Variants in CACNA2D3 observed in about 807,000 individuals in gnomAD.
CACNA2D3 encodes calcium voltage-gated channel auxiliary subunit alpha2delta 3.
In CACNA2D3, 60 loss-of-function variants were observed where a neutral mutation model predicts 160.6. That is an observed-to-expected ratio of 0.37 (90% CI 0.30 to 0.46). The LOEUF (loss-of-function observed/expected upper bound fraction) is 0.46, where lower values mean the gene tolerates loss of function less well. Ranked by LOEUF, CACNA2D3 falls within the 20% of genes least tolerant of loss-of-function variation. The pLI, the probability that CACNA2D3 is intolerant of heterozygous loss-of-function variation, is 1.00. For missense variants in CACNA2D3, 1,205 were observed against 1,365.0 expected, an observed-to-expected ratio of 0.88 and a Z score of 1.85; for synonymous variants, 558 against 492.9, an observed-to-expected ratio of 1.13 and a Z score of -1.75.
At chr3:54,312,232 C>T (rs1394137366) in intron 2 of CACNA2D3, among the ~76,000 whole-genome samples, 1 of 152,122 alleles carries the variant, frequency 6.6e-6, no homozygotes, top group Non-Finnish European at 1.5e-5. Context: ...CCCGCCAGGG[C>T]CTTCTGTTAA....
intron 2 of CACNA2D3, among the ~76,000 whole-genome samples, chr3:54,185,162 G>T (rs9834866): frequency 0.065 from 9,875 of 152,258 alleles, 379 homozygotes; most frequent in Non-Finnish European, 0.077. Context: ...AGTTGTGATT[G>T]TTGTACTTTT....
chr3:54,465,662 A>T (rs1424094776), intron 4 of CACNA2D3, among the ~76,000 whole-genome samples: 1 of 152,250 alleles, frequency 6.6e-6, no homozygotes, highest in Admixed American at 6.5e-5. Flanking sequence ...AGCCATGCGT[A>T]CAGGTTGGTG....
chr3:54,458,879 G>A (rs1189629105), intron 4 of CACNA2D3, among the ~76,000 whole-genome samples: 4 of 151,642 alleles, frequency 2.6e-5, no homozygotes, highest in African/African-American at 4.8e-5. Context: ...CCATTAACTC[G>A]TCATTTAGCA....
chr3:55,071,284 A>G (rs1212048978), intron 35 of CACNA2D3, among the ~76,000 whole-genome samples: 2 of 152,152 alleles, frequency 1.3e-5, no homozygotes, highest in Admixed American at 1.3e-4. Flanking sequence ...ACCCAATTTA[A>G]GAGTCTTTGC....
At chr3:54,881,680 C>T (rs1699799348) in intron 21 of CACNA2D3, among the ~76,000 whole-genome samples, 1 of 152,130 alleles carries the variant, frequency 6.6e-6, no homozygotes. Flanking sequence ...TTTGCATGTC[C>T]ACAGAGGAGG....
At chr3:54,598,714 C>T (rs1575371305) in intron 9 of CACNA2D3, among the ~76,000 whole-genome samples, 1 of 152,116 alleles carries the variant, frequency 6.6e-6, no homozygotes, top group Admixed American at 6.5e-5. Flanking sequence ...GTTAGAATGT[C>T]CTGTTCATGA....
At chr3:54,816,959 G>T in intron 14 of CACNA2D3, 89 bp downstream of exon 14, 1 of 1,460,782 alleles carries the variant, frequency 6.8e-7, no homozygotes, top group Non-Finnish European at 9.4e-7. Context: ...CACTGTTCAT[G>T]ACCAGTGAAA....
intron 17 of CACNA2D3, among the ~76,000 whole-genome samples, chr3:54,853,852 C>T (rs1051015153): frequency 2.6e-5 from 4 of 152,228 alleles, no homozygotes; most frequent in South Asian, 2.1e-4. Flanking sequence ...TGCATTCTGC[C>T]GGCCACAGCC....
chr3:54,264,226 G>A (rs1015138140), intron 2 of CACNA2D3, among the ~76,000 whole-genome samples: 1 of 152,184 alleles, frequency 6.6e-6, no homozygotes, highest in Admixed American at 6.5e-5. Flanking sequence ...TTGGGAAACT[G>A]CTCTTACTTC....
chr3:54,420,816 G>A (rs1029209855), intron 4 of CACNA2D3, among the ~76,000 whole-genome samples: 2 of 152,174 alleles, frequency 1.3e-5, no homozygotes, highest in African/African-American at 4.8e-5. Context: ...GTTGTTGTTT[G>A]TTTTTTCTGT....
intron 2 of CACNA2D3, among the ~76,000 whole-genome samples, chr3:54,190,882 T>G (rs905769945): frequency 1.3e-5 from 2 of 152,124 alleles, no homozygotes; most frequent in African/African-American, 4.8e-5. Context: ...ATAAAAGACT[T>G]AACCTCGTTG....
intron 5 of CACNA2D3, among the ~76,000 whole-genome samples, chr3:54,542,823 G>T (rs1256703834): frequency 6.6e-6 from 1 of 152,066 alleles, no homozygotes; most frequent in African/African-American, 2.4e-5. Context: ...ACAATACTTT[G>T]CATCCTTCAG....
At chr3:54,134,960 C>G (rs1023895017) in intron 2 of CACNA2D3, among the ~76,000 whole-genome samples, 1 of 152,182 alleles carries the variant, frequency 6.6e-6, no homozygotes, top group South Asian at 2.1e-4. Context: ...CCCTCGCAGC[C>G]GCCACCATCA....
At chr3:54,801,894 T>A (rs1367331710) in intron 13 of CACNA2D3, among the ~76,000 whole-genome samples, 1 of 152,170 alleles carries the variant, frequency 6.6e-6, no homozygotes, top group African/African-American at 2.4e-5. Flanking sequence ...TAATACCCAA[T>A]TTCATAAAAG....
chr3:54,938,937 G>A (rs1701392620), intron 27 of CACNA2D3, among the ~76,000 whole-genome samples: 3 of 152,130 alleles, frequency 2.0e-5, no homozygotes, highest in African/African-American at 7.2e-5. Flanking sequence ...ATGTGCATTG[G>A]CCTGCAGAAA....
At chr3:54,993,098 C>T (rs918051950) in intron 31 of CACNA2D3, among the ~76,000 whole-genome samples, 1 of 152,180 alleles carries the variant, frequency 6.6e-6, no homozygotes, top group African/African-American at 2.4e-5. Context: ...CCCCATGATC[C>T]AATCTCGGCC....
chr3:54,458,667 C>G (rs1700442442), intron 4 of CACNA2D3, among the ~76,000 whole-genome samples: 1 of 152,030 alleles, frequency 6.6e-6, no homozygotes, highest in Admixed American at 6.6e-5. Flanking sequence ...TTGGTTGAAT[C>G]TGTTGGAGGT....
chr3:54,965,913 G>T (rs578171736), intron 27 of CACNA2D3, among the ~76,000 whole-genome samples: 37 of 152,272 alleles, frequency 2.4e-4, no homozygotes, highest in African/African-American at 8.7e-4. Flanking sequence ...GGACGAGGAT[G>T]CAGCCTGCTG....
rs1698809478 is a variant in CACNA2D3, at chr3:54,365,298, G to C, written c.322-21417G>C. 2.0e-5 allele frequency among the ~76,000 whole-genome samples: 3 copies of C among 152,200 alleles called. No homozygotes were observed. The South Asian group carries it at 6.2e-4, about 31-fold the overall frequency. On this transcript the variant is annotated intron_variant, in intron 3 of 37. Coordinates refer to ENST00000474759, the MANE Select transcript of CACNA2D3 (RefSeq NM_018398.3). ...CTAGACAAACAAGTTCTGGACTTCA[G>C]AGGGCTTCTATTCCAGCAGATAAGA...
Sources: allele counts gnomAD v4.1 joint callset (sites outside exome capture counted in the v4.1 genomes callset), GRCh38; gene constraint gnomAD v4.1.1; transcripts MANE v1.5; gene names NCBI Gene and HGNC (gene_info 2026-07-23, HGNC 2026-07-21).